The following RTL4 variants were observed in gnomAD, a reference collection of about 807,000 sequenced individuals.
The protein encoded by RTL4 is retrotransposon Gag-like protein 4.
In RTL4, 4 loss-of-function variants were observed where a neutral mutation model predicts 5.3. The ratio of observed to expected loss-of-function variants is 0.75; its 90% CI spans 0.37 to 1.72. The LOEUF (loss-of-function observed/expected upper bound fraction) is 1.72. Ranked by LOEUF, RTL4 falls within the 40% of genes most tolerant of loss-of-function variation. The pLI, the probability that RTL4 is intolerant of heterozygous loss-of-function variation, is 0.04. For synonymous variants in RTL4, 98 were observed against 87.3 expected (o/e 1.12, Z -0.68); for missense variants, 260 against 227.1 (o/e 1.14, Z -0.93).
chrX:112,137,302 T>C, the RTL4 span, among the ~76,000 whole-genome samples: 9 of 112,091 alleles, frequency 8.0e-5, no homozygotes, highest in Non-Finnish European at 1.5e-4. Flanking sequence ...CACAATGAGA[T>C]AATCACCTTA....
the RTL4 span, among the ~76,000 whole-genome samples, chrX:112,275,928 C>A: frequency 8.9e-6 from 1 of 112,022 alleles, no homozygotes; most frequent in Non-Finnish European, 1.9e-5. Flanking sequence ...GAGCAAGACT[C>A]CATCCTCCAC....
chrX:112,279,004 G>A, the RTL4 span, among the ~76,000 whole-genome samples: 1 of 111,011 alleles, frequency 9.0e-6, no homozygotes, highest in East Asian at 2.8e-4. Flanking sequence ...AGAAGATAAA[G>A]TTATGGAAAT....
the RTL4 span, among the ~76,000 whole-genome samples, chrX:112,427,589 T>A: frequency 9.0e-6 from 1 of 110,505 alleles, no homozygotes; most frequent in Non-Finnish European, 1.9e-5. Context: ...ACTGAATAAT[T>A]TTTACTATTT....
the RTL4 span, among the ~76,000 whole-genome samples, chrX:112,123,554 C>T: frequency 2.7e-5 from 3 of 112,037 alleles, no homozygotes; most frequent in Non-Finnish European, 1.9e-5. Flanking sequence ...TTTCCCAGCA[C>T]CATTTACTGA....
the RTL4 span, among the ~76,000 whole-genome samples, chrX:112,226,704 A>G: frequency 1.3e-5 from 1 of 79,996 alleles, no homozygotes; most frequent in African/African-American, 6.5e-5. Flanking sequence ...AATGGTGGAC[A>G]TTATTATTCA....
At chrX:112,251,760 T>A in the RTL4 span, among the ~76,000 whole-genome samples, 1 of 111,705 alleles carries the variant, frequency 9.0e-6, no homozygotes, top group Non-Finnish European at 1.9e-5. Context: ...AGCTCTCAAT[T>A]TCTATTCCTG....
At chrX:112,188,980 G>A in the RTL4 span, among the ~76,000 whole-genome samples, 1 of 111,046 alleles carries the variant, frequency 9.0e-6, no homozygotes, top group East Asian at 2.9e-4. Flanking sequence ...CAGACCAATT[G>A]TCCTTTCCTG....
chrX:112,362,904 C>T, the RTL4 span, among the ~76,000 whole-genome samples: 14 of 110,882 alleles, frequency 1.3e-4, no homozygotes, highest in Middle Eastern at 4.3e-3. Context: ...ATATCAGACC[C>T]TGCCCCTAAC....
chrX:112,156,223 T>A, the RTL4 span, among the ~76,000 whole-genome samples: 339 of 112,581 alleles, frequency 3.0e-3, no homozygotes, highest in African/African-American at 0.011. Context: ...AGACACGAAC[T>A]CCAGAAGGAA....
chrX:112,279,199 T>C, the RTL4 span, among the ~76,000 whole-genome samples: 1 of 111,673 alleles, frequency 9.0e-6, no homozygotes, highest in Non-Finnish European at 1.9e-5. Context: ...TGCTGAAGCA[T>C]ATGAATTTCC....
chrX:112,113,811 T>C, the RTL4 span, among the ~76,000 whole-genome samples: 1 of 111,965 alleles, frequency 8.9e-6, no homozygotes, highest in African/African-American at 3.3e-5. Context: ...GCCACACCAG[T>C]TGATTGGCCT....
exon 1 of RTL4, chrX:112,456,137 G>T: frequency 3.3e-6 from 1 of 299,661 alleles, no homozygotes; most frequent in Non-Finnish European, 6.1e-6. Context: ...AAGTCCAAAT[G>T]ACATTCCTAT....
the RTL4 span, among the ~76,000 whole-genome samples, chrX:112,156,387 C>T: frequency 8.9e-6 from 1 of 112,399 alleles, no homozygotes; most frequent in Non-Finnish European, 1.9e-5. Context: ...AATCCTTCTG[C>T]TAACAGATAT....
the RTL4 span, among the ~76,000 whole-genome samples, chrX:112,237,683 G>A: frequency 8.9e-6 from 1 of 112,298 alleles, no homozygotes; most frequent in African/African-American, 3.2e-5. Flanking sequence ...TATAATGGAG[G>A]TAAATACTCT....
the RTL4 span, among the ~76,000 whole-genome samples, chrX:112,362,810 C>T: frequency 5.4e-5 from 6 of 110,860 alleles, no homozygotes; most frequent in African/African-American, 1.6e-4. Flanking sequence ...TTTTCCTGGA[C>T]GATTCTGATT....
the RTL4 span, among the ~76,000 whole-genome samples, chrX:112,148,251 T>C: frequency 9.4e-6 from 1 of 106,434 alleles, no homozygotes; most frequent in Non-Finnish European, 1.9e-5. Context: ...CCTTCAAACC[T>C]ATTAACATGC....
chrX:112,240,991 C>T, the RTL4 span, among the ~76,000 whole-genome samples: 1 of 111,304 alleles, frequency 9.0e-6, no homozygotes, highest in Non-Finnish European at 1.9e-5. Context: ...CTACAAAGGA[C>T]ATGAACTCAT....
At chrX:112,236,430 TATAGATCTATATCTATATATAG>T in the RTL4 span, among the ~76,000 whole-genome samples, 1 of 79,973 alleles carries the variant, frequency 1.3e-5, no homozygotes, top group African/African-American at 5.3e-5. Flanking sequence ...TATATATAGA[TATAGATCTATATCTATATATAG>T]ATATAGATCT....
At chrX:112,244,391 AT>A in the RTL4 span, among the ~76,000 whole-genome samples, 2 of 111,874 alleles carry the variant, frequency 1.8e-5, no homozygotes, top group Admixed American at 9.5e-5. Context: ...TATTGGGTGC[AT>A]ATATATTTAG....
Sources: allele counts gnomAD v4.1 joint callset (sites outside exome capture counted in the v4.1 genomes callset), GRCh38; gene constraint gnomAD v4.1.1; transcripts MANE v1.5; gene names NCBI Gene and HGNC (gene_info 2026-07-23, HGNC 2026-07-21).